The following CDH6 variants were observed in gnomAD, a reference collection of about 807,000 sequenced individuals.
The protein encoded by CDH6 is cadherin 6.
In CDH6, 31 loss-of-function variants were observed where a neutral mutation model predicts 78.0. That is an observed-to-expected ratio of 0.40 (90% CI 0.30 to 0.54). The LOEUF (loss-of-function observed/expected upper bound fraction) is 0.54. Ranked by LOEUF, CDH6 falls within the 20% of genes least tolerant of loss-of-function variation. CDH6 has a pLI of 0.56. For synonymous variants in CDH6, 376 were observed against 368.8 expected (o/e 1.02, Z -0.23); for missense variants, 724 against 975.9 (o/e 0.74, Z 3.44).
At chr5:31,320,843 G>T (rs1738460258) in intron 11 of CDH6, among the ~76,000 whole-genome samples, 1 of 151,964 alleles carries the variant, frequency 6.6e-6, no homozygotes, top group Non-Finnish European at 1.5e-5. Flanking sequence ...ACTGTGCATG[G>T]TGGTGGGTGC....
At chr5:31,233,343 C>CA (rs5867063) in intron 1 of CDH6, among the ~76,000 whole-genome samples, 56 of 141,986 alleles carry the variant, frequency 3.9e-4, no homozygotes, top group African/African-American at 1.1e-3. Context: ...CCCGTCTCTA[C>CA]AAAAAAAAAA....
rs1216960399 is a variant in CDH6 at position 31,294,198 on chromosome 5, T to C, written c.465T>C (p.Asn155=). 2 of 1,613,836 alleles carry C rather than the reference T, an allele frequency of 1.2e-6. No individual in the cohort carries two copies. The highest frequency in any genetic ancestry group is 1.7e-5 in the Admixed American group (1 of 59,968). The change falls in exon 3 of 12, where the codon AAT becomes AAC. Residue 155 remains asparagine (N), a synonymous_variant. Transcript: ENST00000265071. The surrounding 1 kb of genome is among the most constrained non-coding windows in gnomAD (Gnocchi z 4.1). ...TCAAGATCCATGACATCAATGACAATGAACCAATATTCACCAAGGAGGTTT... is the reference window on the plus strand; with the variant it reads ...TCAAGATCCATGACATCAATGACAACGAACCAATATTCACCAAGGAGGTTT... The part of the protein sequence containing the change: ...FIIKIHDIND[N]EPIFTKEVYT...
chr5:31,256,731 A>G (rs1742066433), intron 1 of CDH6, among the ~76,000 whole-genome samples: 1 of 152,230 alleles, frequency 6.6e-6, no homozygotes, highest in African/African-American at 2.4e-5. Context: ...TTTAAAGAAG[A>G]GGAAATTGGA....
intron 1 of CDH6, among the ~76,000 whole-genome samples, chr5:31,224,464 T>C (rs997091304): frequency 2.0e-5 from 3 of 152,312 alleles, no homozygotes; most frequent in Admixed American, 1.3e-4. Flanking sequence ...CTTTGAGAGT[T>C]TAAGTAAATT....
chr5:31,291,612 C>G (rs531145825), intron 2 of CDH6, among the ~76,000 whole-genome samples: 8 of 152,318 alleles, frequency 5.3e-5, no homozygotes, highest in African/African-American at 1.9e-4. Flanking sequence ...GTGCCCCCCG[C>G]ACTGTGCCAG....
At chr5:31,299,705 C>A in intron 5 of CDH6, 74 bp downstream of exon 5, 1 of 1,283,180 alleles carries the variant, frequency 7.8e-7, no homozygotes, top group South Asian at 1.3e-5. Flanking sequence ...TTTTATTTTC[C>A]ATTGTCATCA....
chr5:31,308,469 G>C (rs1463368294), intron 7 of CDH6, among the ~76,000 whole-genome samples: 1 of 149,410 alleles, frequency 6.7e-6, no homozygotes, highest in African/African-American at 2.4e-5. Flanking sequence ...AGAAGGATCT[G>C]CTATGATCAT....
intron 1 of CDH6, among the ~76,000 whole-genome samples, chr5:31,203,468 A>G (rs1250427843): frequency 7.6e-6 from 1 of 130,728 alleles, no homozygotes; most frequent in Non-Finnish European, 1.6e-5. Flanking sequence ...TCATTGTTCA[A>G]TTCCCACCTA....
intron 2 of CDH6, among the ~76,000 whole-genome samples, chr5:31,288,078 G>A (rs977781198): frequency 5.9e-5 from 9 of 152,108 alleles, no homozygotes; most frequent in Non-Finnish European, 1.3e-4. Context: ...CATTTACATT[G>A]CAACCTGTGG....
intron 9 of CDH6, among the ~76,000 whole-genome samples, chr5:31,316,616 T>C (rs1052320488): frequency 5.3e-5 from 8 of 152,232 alleles, no homozygotes; most frequent in Admixed American, 2.0e-4. Context: ...GAACAGATAG[T>C]TTAATTACCA....
intron 2 of CDH6, among the ~76,000 whole-genome samples, chr5:31,274,186 C>A (rs574197275): frequency 6.6e-6 from 1 of 152,212 alleles, no homozygotes; most frequent in Non-Finnish European, 1.5e-5. Flanking sequence ...CCATTATTGG[C>A]AATAATCCTC....
At chr5:31,274,729 A>G (rs571527449) in intron 2 of CDH6, among the ~76,000 whole-genome samples, 3 of 152,368 alleles carry the variant, frequency 2.0e-5, no homozygotes, top group South Asian at 2.1e-4. Context: ...CTGAGGCGTG[A>G]GAATCACTTG....
At chr5:31,320,852 G>A (rs1355770202) in intron 11 of CDH6, among the ~76,000 whole-genome samples, 2 of 151,978 alleles carry the variant, frequency 1.3e-5, no homozygotes, top group East Asian at 3.9e-4. Flanking sequence ...GGTGGTGGGT[G>A]CCTGTACTCC....
chr5:31,202,921 GTTTCTAA>G (rs1026788819), intron 1 of CDH6, among the ~76,000 whole-genome samples: 7 of 151,794 alleles, frequency 4.6e-5, no homozygotes, highest in Non-Finnish European at 8.8e-5. Context: ...CTTAGCAACA[GTTTCTAA>G]TTTAATACCA....
rs61085036 is a variant in CDH6 at position 31,203,201 on chromosome 5, C to CGAGA, written c.-129+9328_-129+9331dup. ...CTGATTTACCTGCTTTTTTATAAAG[C>CGAGA]GAGAGAGAGAGAGAGATGTTTCAGG... On this transcript the variant is annotated intron_variant, in intron 1 of 11. Transcript: ENST00000265071. Among the ~76,000 whole-genome samples the CGAGA allele has an allele frequency of 4.8e-5, 7 of 146,350 alleles. No individual in the cohort carries two copies. The Admixed American group carries it at 4.8e-4, about 10-fold the overall frequency.
chr5:31,323,775 T>A lies in CDH6; in HGVS notation c.*467T>A, dbSNP rs930724805. On this transcript the variant is annotated 3_prime_UTR_variant, in exon 12 of 12. Coordinates refer to ENST00000265071, the MANE Select transcript of CDH6 (RefSeq NM_004932.4). ...AAGAGATAAACTACATAGGGGTGTT[T>A]ATTTGTGTCACAAAGAATTTAAAAT... 4.3e-6 allele frequency: 1 copy of A among 232,386 alleles called. No individual in the cohort carries two copies. Among genetic ancestry groups the A allele is most frequent in the African/African-American group, 2.2e-5 (1 of 45,254 alleles). The allele number at this position is 232,386 out of a possible 1,614,324, so 14.4% of individuals were successfully genotyped here.
intron 11 of CDH6, among the ~76,000 whole-genome samples, chr5:31,322,417 A>G (rs1738496395): frequency 6.6e-6 from 1 of 152,040 alleles, no homozygotes. Flanking sequence ...CAAAGGTGCC[A>G]GTCTTGTCCT....
intron 1 of CDH6, among the ~76,000 whole-genome samples, chr5:31,205,780 T>A (rs1261365983): frequency 6.6e-6 from 1 of 152,218 alleles, no homozygotes; most frequent in Non-Finnish European, 1.5e-5. Context: ...CTTTTTAAAG[T>A]ATTTTGAATT....
At chr5:31,256,449 C>T (rs972098781) in intron 1 of CDH6, among the ~76,000 whole-genome samples, 5 of 152,170 alleles carry the variant, frequency 3.3e-5, no homozygotes, top group African/African-American at 1.2e-4. Flanking sequence ...ACCACTTGTG[C>T]TTTTGTAAAA....
Sources: allele counts gnomAD v4.1 joint callset (sites outside exome capture counted in the v4.1 genomes callset), GRCh38; gene constraint gnomAD v4.1.1; non-coding constraint Gnocchi (gnomAD v3.1); transcripts MANE v1.5; gene names NCBI Gene and HGNC (gene_info 2026-07-23, HGNC 2026-07-21).